CARMIL1: variants seen among roughly 807,000 people sequenced by gnomAD.
CARMIL1 encodes the protein F-actin-uncapping protein LRRC16A.
A neutral mutation model predicts 177.1 loss-of-function variants in CARMIL1; 90 were observed. The observed-to-expected ratio is 0.51, with a 90% CI of 0.43 to 0.61. CARMIL1 has a LOEUF of 0.61. CARMIL1 is among the 20% of genes least tolerant of loss of function. CARMIL1 has a pLI of 0.00. For synonymous variants in CARMIL1, 577 were observed against 606.2 expected, an observed-to-expected ratio of 0.95 and a Z score of 0.71; for missense variants, 1,380 against 1,667.0, an observed-to-expected ratio of 0.83 and a Z score of 3.00.
intron 2 of CARMIL1, among the ~76,000 whole-genome samples, chr6:25,406,279 A>AG (rs1794361933): frequency 6.6e-6 from 1 of 152,156 alleles, no homozygotes; most frequent in Non-Finnish European, 1.5e-5. Context: ...GTAAAGCAAG[A>AG]GGGGGAAGGG....
chr6:25,575,475 A>G (rs981014195), intron 29 of CARMIL1, among the ~76,000 whole-genome samples: 4 of 152,174 alleles, frequency 2.6e-5, no homozygotes, highest in African/African-American at 9.7e-5. Context: ...AAGGAAAGTA[A>G]AAACTCATCT....
intron 2 of CARMIL1, among the ~76,000 whole-genome samples, chr6:25,401,496 T>G (rs1015008807): frequency 6.6e-6 from 1 of 152,230 alleles, no homozygotes; most frequent in Non-Finnish European, 1.5e-5. Context: ...TATGCAAGTG[T>G]CACAGTTTTC....
At chr6:25,382,565 T>C (rs944530790) in intron 2 of CARMIL1, among the ~76,000 whole-genome samples, 3 of 152,120 alleles carry the variant, frequency 2.0e-5, no homozygotes, top group African/African-American at 7.2e-5. Flanking sequence ...ATTCCCTTAT[T>C]TGTCCCCGCC....
chr6:25,522,131 TC>T (rs1806631451), intron 23 of CARMIL1, among the ~76,000 whole-genome samples: 1 of 152,180 alleles, frequency 6.6e-6, no homozygotes, highest in Admixed American at 6.5e-5. Flanking sequence ...TTCCCTCTGT[TC>T]CCATTATGGA....
intron 2 of CARMIL1, among the ~76,000 whole-genome samples, chr6:25,357,473 A>G (rs1461358600): frequency 1.3e-5 from 2 of 152,134 alleles, no homozygotes; most frequent in Non-Finnish European, 1.5e-5. Flanking sequence ...AATCTCAGCT[A>G]CTTGGAAGGT....
At chr6:25,504,996 G>A (rs1387705723) in intron 17 of CARMIL1, among the ~76,000 whole-genome samples, 5 of 152,222 alleles carry the variant, frequency 3.3e-5, no homozygotes, top group Non-Finnish European at 7.3e-5. Context: ...TAAAAGGTTT[G>A]AGATGGAGGA....
At chr6:25,374,901 A>G (rs1321742671) in intron 2 of CARMIL1, among the ~76,000 whole-genome samples, 2 of 152,184 alleles carry the variant, frequency 1.3e-5, no homozygotes, top group Non-Finnish European at 1.5e-5. Context: ...CCTGGAGTCT[A>G]TAAGAATCCT....
chr6:25,564,627 C>G (rs1227980481), intron 29 of CARMIL1, among the ~76,000 whole-genome samples: 1 of 152,070 alleles, frequency 6.6e-6, no homozygotes, highest in Non-Finnish European at 1.5e-5. Flanking sequence ...TGGATTGTGC[C>G]ATGTGTCTCA....
intron 32 of CARMIL1, among the ~76,000 whole-genome samples, chr6:25,597,977 T>C (rs974731614): frequency 6.6e-6 from 1 of 152,200 alleles, no homozygotes; most frequent in African/African-American, 2.4e-5. Context: ...GACTTGAGTC[T>C]TTCTTTTGTT....
Position 25,551,092 on chromosome 6 carries a change from T to C in CARMIL1, c.2504+7T>C. The stretch of plus-strand genomic sequence containing the variant: ...ATATCCTTAACAAAATTAGGTAGGT[T>C]TATAATGTTAATAAACCTAGGAGCT... On this transcript the variant is annotated splice_region_variant and intron_variant, in intron 27 of 36. Transcript: ENST00000329474. 1.2e-6 allele frequency: 2 copies of C among 1,608,928 alleles called. No homozygotes were observed. The highest frequency in any genetic ancestry group is 1.7e-6 in the Non-Finnish European group (2 of 1,177,324).
At chr6:25,337,796 G>T (rs1294809433) in intron 2 of CARMIL1, among the ~76,000 whole-genome samples, 1 of 152,206 alleles carries the variant, frequency 6.6e-6, no homozygotes, top group African/African-American at 2.4e-5. Flanking sequence ...CAGAGTGGAC[G>T]TGATATAGTG....
At chr6:25,431,159 C>A (rs1020274901) in intron 4 of CARMIL1, among the ~76,000 whole-genome samples, 1 of 152,092 alleles carries the variant, frequency 6.6e-6, no homozygotes, top group African/African-American at 2.4e-5. Flanking sequence ...CATTGGTTTT[C>A]TTTATTGATT....
intron 11 of CARMIL1, among the ~76,000 whole-genome samples, chr6:25,481,150 CTT>C (rs1472553176): frequency 2.6e-5 from 4 of 151,786 alleles, no homozygotes; most frequent in African/African-American, 7.3e-5. Flanking sequence ...AGGCTGCCCT[CTT>C]TTTGTAATTT....
At chr6:25,457,437 A>G (rs1205402077) in intron 8 of CARMIL1, among the ~76,000 whole-genome samples, 3 of 152,302 alleles carry the variant, frequency 2.0e-5, no homozygotes, top group African/African-American at 7.2e-5. Context: ...CATCCTTCCC[A>G]GAGTTGGTGA....
intron 2 of CARMIL1, among the ~76,000 whole-genome samples, chr6:25,400,903 C>T (rs16890551): frequency 0.037 from 5,603 of 152,134 alleles, 120 homozygotes; most frequent in South Asian, 0.095. Context: ...TCAGACTTGC[C>T]CAGACTCATT....
intron 8 of CARMIL1, among the ~76,000 whole-genome samples, chr6:25,453,961 A>G (rs1799244341): frequency 6.6e-6 from 1 of 152,172 alleles, no homozygotes; most frequent in Non-Finnish European, 1.5e-5. Flanking sequence ...CTAATCCACC[A>G]TGTTTAATTT....
intron 29 of CARMIL1, among the ~76,000 whole-genome samples, chr6:25,568,865 A>G (rs1376004107): frequency 6.6e-6 from 1 of 152,202 alleles, no homozygotes; most frequent in Non-Finnish European, 1.5e-5. Context: ...GAAGATTCAT[A>G]TGGGGTTTGT....
intron 22 of CARMIL1, among the ~76,000 whole-genome samples, chr6:25,518,696 G>A (rs1031091179): frequency 6.6e-6 from 1 of 152,178 alleles, no homozygotes; most frequent in African/African-American, 2.4e-5. Context: ...GCTGGTGTTT[G>A]GAAGAAGCCA....
At chr6:25,549,972 G>T (rs1809914475) in intron 26 of CARMIL1, among the ~76,000 whole-genome samples, 1 of 152,178 alleles carries the variant, frequency 6.6e-6, no homozygotes, top group Non-Finnish European at 1.5e-5. Context: ...CCTATGAGGT[G>T]AGAACGTTTT....
Sources: gnomAD v4.1 joint callset for allele counts (sites outside exome capture counted in the v4.1 genomes callset) on GRCh38, gnomAD v4.1.1 for gene constraint, MANE v1.5 for transcripts, NCBI Gene and HGNC (gene_info 2026-07-23, HGNC 2026-07-21) for gene names.